The following TTLL9 variants were observed in gnomAD, a reference collection of about 807,000 sequenced individuals.
TTLL9 encodes the protein probable tubulin polyglutamylase TTLL9.
A neutral mutation model predicts 65.6 loss-of-function variants in TTLL9; 47 were observed. That is an observed-to-expected ratio of 0.72 (90% CI 0.57 to 0.91). The LOEUF is 0.91. Ranked by LOEUF, TTLL9 falls within the 40% of genes least tolerant of loss-of-function variation. The pLI is 0.00. For missense variants in TTLL9, 537 were observed against 568.8 expected, an observed-to-expected ratio of 0.94 and a Z score of 0.57; for synonymous variants, 179 against 204.8, an observed-to-expected ratio of 0.87 and a Z score of 1.07.
intron 3 of TTLL9, among the ~76,000 whole-genome samples, chr20:31,890,706 A>C (rs8125233): frequency 0.066 from 10,115 of 152,110 alleles, 531 homozygotes; most frequent in African/African-American, 0.15. Flanking sequence ...TTCCTGGGAG[A>C]ACGTAGAATG....
chr20:31,943,137 C>G lies in TTLL9; in HGVS notation c.*116C>G, dbSNP rs956644859. ...CGCCTCCCCACCTCCAGCCTGGCACCAGCTTTGCTGGCTTAGCAGCTGCAG... is the reference window on the plus strand; with the variant it reads ...CGCCTCCCCACCTCCAGCCTGGCACGAGCTTTGCTGGCTTAGCAGCTGCAG... On this transcript the variant is annotated 3_prime_UTR_variant, in exon 15 of 15. Transcript: ENST00000535842. 1 of 984,368 alleles carries G rather than the reference C, an allele frequency of 1.0e-6. No homozygotes were observed. The highest frequency in any genetic ancestry group is 1.6e-5 in the African/African-American group (1 of 62,466). 61.0% of individuals were successfully genotyped at this position (984,368 alleles called of 1,614,324 possible).
rs1250767365 is a variant in TTLL9, at chr20:31,903,569, T to G, written c.206+5004T>G. Reference sequence around the variant, plus strand: ...TTGCCTAATCCAAGGTCACAAAGATTTACTCCTATGTCTTCTTCTAAGAGT... The same window carrying G: ...TTGCCTAATCCAAGGTCACAAAGATGTACTCCTATGTCTTCTTCTAAGAGT... On this transcript the variant is annotated intron_variant, in intron 4 of 14. Coordinates refer to ENST00000535842, the MANE Select transcript of TTLL9 (RefSeq NM_001008409.5). Among the ~76,000 whole-genome samples, 6 of 152,292 alleles carry G rather than the reference T, an allele frequency of 3.9e-5. No individual in the cohort carries two copies. In the East Asian group the frequency reaches 1.2e-3, roughly 29 times the overall value.
chr20:31,888,621 G>A (rs746575055), intron 3 of TTLL9, among the ~76,000 whole-genome samples: 3 of 152,040 alleles, frequency 2.0e-5, no homozygotes, highest in African/African-American at 4.8e-5. Context: ...ACAGGTGCCC[G>A]CCACCACGCC....
At chr20:31,872,133 A>G (rs1459888569) in intron 2 of TTLL9, among the ~76,000 whole-genome samples, 1 of 152,206 alleles carries the variant, frequency 6.6e-6, no homozygotes, top group East Asian at 1.9e-4. Flanking sequence ...AGATAGGCAA[A>G]CAAATAAATT....
At chr20:31,900,801 G>A (rs1019050643) in intron 4 of TTLL9, among the ~76,000 whole-genome samples, 1 of 152,096 alleles carries the variant, frequency 6.6e-6, no homozygotes, top group African/African-American at 2.4e-5. Flanking sequence ...TGGTGTAGGG[G>A]AGAGAGAGCA....
intron 2 of TTLL9, among the ~76,000 whole-genome samples, chr20:31,880,815 A>G (rs1374365865): frequency 1.4e-5 from 2 of 145,852 alleles, no homozygotes; most frequent in Non-Finnish European, 3.0e-5. Flanking sequence ...CCCAGCTCTC[A>G]TTCATGAATG....
intron 12 of TTLL9, among the ~76,000 whole-genome samples, chr20:31,935,203 C>T (rs528010878): frequency 1.3e-5 from 2 of 152,272 alleles, no homozygotes; most frequent in South Asian, 4.1e-4. Flanking sequence ...AAGAAACTTC[C>T]CCTCTGTAAG....
intron 2 of TTLL9, chr20:31,879,615 A>G (rs1023786177): frequency 1.6e-5 from 8 of 498,308 alleles, no homozygotes; most frequent in Non-Finnish European, 2.5e-5. Flanking sequence ...AGAGGGAGCC[A>G]GCCTCTGAAC....
At chr20:31,905,263 C>T (rs1464674957) in intron 4 of TTLL9, among the ~76,000 whole-genome samples, 1 of 151,868 alleles carries the variant, frequency 6.6e-6, no homozygotes, top group African/African-American at 2.4e-5. Flanking sequence ...TTAGCAGAGA[C>T]GGGGTTTCAC....
chr20:31,888,213 C>T (rs1172945325), intron 3 of TTLL9, among the ~76,000 whole-genome samples: 1 of 152,088 alleles, frequency 6.6e-6, no homozygotes, highest in Non-Finnish European at 1.5e-5. Flanking sequence ...AAAGTCCCTC[C>T]TGGCTATACT....
chr20:31,912,387 C>T (rs2063668429), intron 6 of TTLL9, among the ~76,000 whole-genome samples: 2 of 152,252 alleles, frequency 1.3e-5, no homozygotes, highest in African/African-American at 2.4e-5. Context: ...TGTGCATACA[C>T]TTTGAGTATC....
chr20:31,886,065 C>T (rs536260387), intron 2 of TTLL9, among the ~76,000 whole-genome samples: 1 of 152,280 alleles, frequency 6.6e-6, no homozygotes, highest in East Asian at 1.9e-4. Flanking sequence ...CCTGAATGAG[C>T]TTGGAAGGGG....
intron 4 of TTLL9, among the ~76,000 whole-genome samples, chr20:31,907,414 C>T (rs1021063818): frequency 1.3e-5 from 2 of 152,180 alleles, no homozygotes; most frequent in Non-Finnish European, 2.9e-5. Flanking sequence ...CACATATATA[C>T]ATGATGAAAC....
intron 2 of TTLL9, chr20:31,873,157 T>TG: frequency 2.5e-6 from 1 of 403,974 alleles, no homozygotes; most frequent in Non-Finnish European, 4.9e-6. Flanking sequence ...GCAGATTGAC[T>TG]GGATGTGGGG....
intron 4 of TTLL9, among the ~76,000 whole-genome samples, chr20:31,907,030 G>A (rs571461044): frequency 3.3e-5 from 5 of 152,214 alleles, no homozygotes; most frequent in South Asian, 2.1e-4. Context: ...AGAATAACTC[G>A]ACCCCTATGT....
intron 13 of TTLL9, among the ~76,000 whole-genome samples, chr20:31,937,925 T>C (rs1358832707): frequency 6.6e-6 from 1 of 152,078 alleles, no homozygotes; most frequent in Non-Finnish European, 1.5e-5. Context: ...TACAAAGCTA[T>C]TGTTTTAACA....
Position 31,943,034 on chromosome 20 carries a change from A to G in TTLL9, c.*13A>G. On this transcript the variant is annotated 3_prime_UTR_variant, in exon 15 of 15. Coordinates refer to ENST00000535842, the MANE Select transcript of TTLL9 (RefSeq NM_001008409.5). ...AGCTTCCAGTTGATCCCCAGCTGCC[A>G]GGAGGAAATCAGCCTTAGCAGGTGC... 1 of 1,613,722 alleles carries G rather than the reference A, an allele frequency of 6.2e-7. No individual in the cohort carries two copies. The highest frequency in any genetic ancestry group is 8.5e-7 in the Non-Finnish European group (1 of 1,179,930).
At chr20:31,933,312 A>G (rs1239185815) in intron 10 of TTLL9, among the ~76,000 whole-genome samples, 1 of 152,064 alleles carries the variant, frequency 6.6e-6, no homozygotes, top group Non-Finnish European at 1.5e-5. Flanking sequence ...ATTCCTACAA[A>G]GTGGCCGCCC....
intron 6 of TTLL9, among the ~76,000 whole-genome samples, 198 bp downstream of exon 6, chr20:31,910,120 G>T: frequency 6.6e-6 from 1 of 152,206 alleles, no homozygotes; most frequent in East Asian, 1.9e-4. Context: ...CTCAATGAGT[G>T]TTTATTGAAT....
Sources: allele counts gnomAD v4.1 joint callset (sites outside exome capture counted in the v4.1 genomes callset), GRCh38; gene constraint gnomAD v4.1.1; transcripts MANE v1.5; gene names NCBI Gene and HGNC (gene_info 2026-07-23, HGNC 2026-07-21).